CRACR2B: variants seen among roughly 807,000 people sequenced by gnomAD.
CRACR2B encodes the protein calcium release activated channel regulator 2B.
Under a neutral mutation model 46.0 loss-of-function variants are expected in CRACR2B, and 50 were observed. That is an observed-to-expected ratio of 1.09 (90% CI 0.87 to 1.38). The LOEUF is 1.38. CRACR2B is among the 40% of genes most tolerant of loss of function. CRACR2B has a pLI of 0.00. For missense variants in CRACR2B, 667 were observed against 535.0 expected (o/e 1.25, Z -2.43); for synonymous variants, 277 against 239.6 (o/e 1.16, Z -1.44).
intron 2 of CRACR2B, 188 bp downstream of exon 2, chr11:829,151 T>G (rs1846167291): frequency 7.8e-7 from 1 of 1,281,660 alleles, no homozygotes. Flanking sequence ...CTGACCTTCC[T>G]GGCCCCCAGC....
rs1846277690 is a variant in CRACR2B, at chr11:830,145, GT to G, written c.605+14del. Reference sequence around the variant, plus strand: ...AGGCGCTGCGGAGGTGAGGGCCGGGGTGGGGTATGGGGGCCAATGGAGGGCC... The same window carrying G: ...AGGCGCTGCGGAGGTGAGGGCCGGGGGGGGTATGGGGGCCAATGGAGGGCC... On this transcript the variant is annotated intron_variant, in intron 4 of 8. Transcript: ENST00000525077. The G allele has an allele frequency of 6.6e-7, 1 of 1,526,642 alleles. No individual in the cohort carries two copies. Among genetic ancestry groups the G allele is most frequent in the Non-Finnish European group, 8.8e-7 (1 of 1,141,668 alleles). The allele number at this position is 1,526,642 out of a possible 1,614,324, so 94.6% of individuals were successfully genotyped here. A position where few individuals can be genotyped will look rare whatever the true frequency, so the allele number is the denominator to read the frequency against.
Position 830,986 on chromosome 11 carries a change from C to T in CRACR2B, c.907C>T (p.Arg303Cys), listed in dbSNP as rs956549823. 22 of 1,533,838 alleles carry T rather than the reference C, an allele frequency of 1.4e-5. No individual in the cohort carries two copies. The highest frequency in any genetic ancestry group is 1.7e-5 in the Non-Finnish European group (19 of 1,146,648). The stretch of plus-strand genomic sequence containing the variant: ...GCTGGAGGGGGCGCAGGAGCAGATC[C>T]GCAGGCTGGAGAGCGAAGCACGAGG... ...TQLEGAQEQIRRLESEARGRQ... is the reference protein window; with the variant it reads ...TQLEGAQEQICRLESEARGRQ... The change falls in exon 7 of 9, where the codon CGC (arginine) becomes TGC (cysteine). Residue 303 changes from arginine (R) to cysteine (C), a missense_variant. Coordinates refer to ENST00000525077, the MANE Select transcript of CRACR2B (RefSeq NM_001286606.2).
intron 5 of CRACR2B, 26 bp downstream of exon 5, chr11:830,363 G>A (rs765430831): frequency 4.6e-6 from 7 of 1,536,374 alleles, no homozygotes; most frequent in Non-Finnish European, 4.4e-6. Flanking sequence ...CGCCCCTCCC[G>A]CCAGGCCCAA....
intron 7 of CRACR2B, 87 bp downstream of exon 7, chr11:831,119 C>T (rs1453859970): frequency 1.3e-6 from 2 of 1,573,536 alleles, no homozygotes. Flanking sequence ...CTTTCATCCC[C>T]ATCTCAAGTC....
chr11:829,320 C>T (rs780259041), intron 2 of CRACR2B, 40 bp from the exon 3 acceptor site: 3 of 1,561,024 alleles, frequency 1.9e-6, no homozygotes, highest in Non-Finnish European at 2.6e-6. Flanking sequence ...GCCACGGTGG[C>T]GACCCACAGC....
In CRACR2B at chr11:828,977, C is replaced by T. The variant is rs1448863467; in HGVS notation, c.277+14C>T. 1 of 1,601,346 alleles carries T rather than the reference C, an allele frequency of 6.2e-7. No homozygotes were observed. Among genetic ancestry groups the T allele is most frequent in the African/African-American group, 1.3e-5 (1 of 75,070 alleles). ...GCCTGGGCCTGGGTGAGCCTGTGGC[C>T]TGCCTATCCCCCACTGCCCAGAGCT... On this transcript the variant is annotated intron_variant, in intron 2 of 8. Coordinates refer to ENST00000525077, the MANE Select transcript of CRACR2B (RefSeq NM_001286606.2).
chr11:830,281 G>T lies in CRACR2B; in HGVS notation c.637G>T (p.Ala213Ser). Residue 213 changes from alanine to serine, a missense_variant, in exon 5 of 9, where the codon GCT becomes TCT. Ala to Ser is a moderately conservative substitution (Grantham distance 99, BLOSUM62 1). Coordinates refer to ENST00000525077, the MANE Select transcript of CRACR2B (RefSeq NM_001286606.2). ...GAGCGAGCACGAGAGGGAGGTGCGC[G>T]CTCTGTACGAGGAGACGGAGCAGCT... ...RESEHEREVRALYEETEQLRE... is the reference protein window; with the variant it reads ...RESEHEREVRSLYEETEQLRE... 2 of 1,525,600 alleles carry T rather than the reference G, an allele frequency of 1.3e-6. No individual in the cohort carries two copies. Among genetic ancestry groups the T allele is most frequent in the East Asian group, 2.5e-5 (1 of 40,634 alleles). 94.5% of individuals were successfully genotyped at this position (1,525,600 alleles called of 1,614,324 possible). A position where few individuals can be genotyped will look rare whatever the true frequency, so the allele number is the denominator to read the frequency against.
Position 829,994 on chromosome 11 carries a change from C to A in CRACR2B, c.467C>A (p.Ala156Asp). The A allele has an allele frequency of 6.4e-7, 1 of 1,569,344 alleles. No individual in the cohort carries two copies. Among genetic ancestry groups the A allele is most frequent in the Non-Finnish European group, 8.6e-7 (1 of 1,164,080 alleles). The change falls in exon 4 of 9, where the codon GCT becomes GAT. Residue 156 changes from alanine (A) to aspartate (D), a missense_variant. Ala to Asp is a moderately radical substitution (Grantham distance 126). Transcript: ENST00000525077. ...TCCCGCCCGCCCTCCAGGCAGCGGG[C>A]TGTGAGGACGCTCTGGGCCAGGCTG... ...GVAPVLGKQR[A>D]VRTLWARLQR...
At chr11:829,164 C>T (rs930005980) in intron 2 of CRACR2B, 196 bp from the exon 3 acceptor site, 4 of 1,314,964 alleles carry the variant, frequency 3.0e-6, no homozygotes, top group Non-Finnish European at 4.2e-6. Context: ...CCCCCAGCTC[C>T]TCTCCTGTGC....
At chr11:831,175 G>A (rs1159384375) in intron 7 of CRACR2B, 49 bp from the exon 8 acceptor site, 4 of 1,609,898 alleles carry the variant, frequency 2.5e-6, no homozygotes, top group Admixed American at 1.7e-5. Flanking sequence ...GGGTCCGGGG[G>A]CTCCCCAAGG....
chr11:830,050 T>A lies in CRACR2B; in HGVS notation c.523T>A (p.Phe175Ile). Residue 175 changes from phenylalanine (F) to isoleucine (I), a missense_variant, in exon 4 of 9, where the codon TTC becomes ATC. Transcript: ENST00000525077. ...CGAGCGCCCCGAGCTGCTGGGCTCT[T>A]TCGAGGATGTTCTGATACGCGCGTC... ...QRERPELLGS[F>I]EDVLIRASAC... 1 of 1,563,680 alleles carries A rather than the reference T, an allele frequency of 6.4e-7. No homozygotes were observed. The highest frequency in any genetic ancestry group is 1.2e-5 in the South Asian group (1 of 86,608).
At chr11:830,752 G>T (rs1444827079) in intron 6 of CRACR2B, 39 bp downstream of exon 6, 62 of 1,499,966 alleles carry the variant, frequency 4.1e-5, no homozygotes, top group Non-Finnish European at 5.0e-5. Flanking sequence ...ACGGTCACCC[G>T]TGCACTCTCC....
At position 831,767 on chromosome 11, in the gene CRACR2B, C is replaced by T. The variant is rs542819451; in HGVS notation, c.*58C>T. On this transcript the variant is annotated 3_prime_UTR_variant, in exon 9 of 9. Coordinates refer to ENST00000525077, the MANE Select transcript of CRACR2B (RefSeq NM_001286606.2). ...GAAGCTGCCCTTGCAGGAGGCTTGT[C>T]ATGGGTCGGGGGTGCCCACTCAGGA... The T allele has an allele frequency of 1.6e-5, 24 of 1,461,292 alleles. No individual in the cohort carries two copies. In the South Asian group the frequency reaches 2.9e-4, roughly 18 times the overall value. The allele number at this position is 1,461,292 out of a possible 1,614,324, so 90.5% of individuals were successfully genotyped here. A position where few individuals can be genotyped will look rare whatever the true frequency, so the allele number is the denominator to read the frequency against.
Position 828,968 on chromosome 11 carries a change from G to C in CRACR2B, c.277+5G>C, listed in dbSNP as rs752818986. The C allele has an allele frequency of 6.9e-6, 11 of 1,602,022 alleles. No homozygotes were observed. Among genetic ancestry groups the C allele is most frequent in the Non-Finnish European group, 5.9e-6 (7 of 1,179,826 alleles). ...GGGAGTTCTGCCTGGGCCTGGGTGA[G>C]CCTGTGGCCTGCCTATCCCCCACTG... is the stretch of plus-strand genomic sequence containing the variant. On this transcript the variant is annotated splice_donor_5th_base_variant and intron_variant, in intron 2 of 8. Coordinates refer to ENST00000525077, the MANE Select transcript of CRACR2B (RefSeq NM_001286606.2).
rs1305453991 is a variant in CRACR2B, at chr11:827,929, G to A, written c.-679G>A. 2.6e-5 allele frequency among the ~76,000 whole-genome samples: 4 copies of A among 152,234 alleles called. No homozygotes were observed. Among genetic ancestry groups the A allele is most frequent in the African/African-American group, 9.6e-5 (4 of 41,456 alleles). On this transcript the variant is annotated 5_prime_UTR_variant, in exon 1 of 9. Transcript: ENST00000525077. ...ACGGGGAAGGGCCTCAGTGTTGTGG[G>A]GCAAGGGTGTTAGGTCTCGAATCTG...
chr11:831,090 G>T, intron 7 of CRACR2B, 58 bp downstream of exon 7: 1 of 1,545,310 alleles, frequency 6.5e-7, no homozygotes, highest in Non-Finnish European at 8.7e-7. Flanking sequence ...GGGGCCGACG[G>T]GCGCTCAGGT....
chr11:828,802 G>T, intron 1 of CRACR2B, 30 bp downstream of exon 1: 1 of 1,611,852 alleles, frequency 6.2e-7, no homozygotes, highest in African/African-American at 1.3e-5. Flanking sequence ...AGACTGCTTC[G>T]GCCCTGGGTT....
chr11:831,358 C>A, intron 8 of CRACR2B, 63 bp downstream of exon 8: 1 of 1,545,016 alleles, frequency 6.5e-7, no homozygotes, highest in East Asian at 2.3e-5. Context: ...TCCCAGCTCC[C>A]CAACATTCTT....
At position 830,879 on chromosome 11, in the gene CRACR2B, T is replaced by A; in HGVS notation, c.800T>A (p.Leu267Gln). Residue 267 changes from leucine (L) to glutamine (Q), a missense_variant, in exon 7 of 9, where the codon CTG (leucine) becomes CAG (glutamine). By Grantham distance (113) the Leu-to-Gln change is moderately radical. Transcript: ENST00000525077. ...TCCACCCTCCAGTTAGAGCAGCAGC[T>A]GCACGCCCAGGCTGCGGAGCACCTG... ...GLRQRELEQQ[L>Q]HAQAAEHLEA... 3.9e-6 allele frequency: 6 copies of A among 1,526,780 alleles called. No homozygotes were observed. Among genetic ancestry groups the A allele is most frequent in the Non-Finnish European group, 5.3e-6 (6 of 1,141,800 alleles). The allele number at this position is 1,526,780 out of a possible 1,614,324, so 94.6% of individuals were successfully genotyped here.
Sources: allele counts gnomAD v4.1 joint callset (sites outside exome capture counted in the v4.1 genomes callset), GRCh38; gene constraint gnomAD v4.1.1; transcripts MANE v1.5; gene names NCBI Gene and HGNC (gene_info 2026-07-23, HGNC 2026-07-21).